Variants in SLCO5A1 observed in about 807,000 individuals in gnomAD.
The protein encoded by SLCO5A1 is organic anion transporter polypeptide-related protein 4.
In SLCO5A1, 39 loss-of-function variants were observed where a neutral mutation model predicts 65.1. The observed-to-expected ratio is 0.60, with a 90% CI of 0.46 to 0.78. The LOEUF is 0.78. SLCO5A1 is among the 30% of genes least tolerant of loss of function. The probability of loss-of-function intolerance (pLI) is 0.00; values close to 1 mark genes in which losing one functional copy is unlikely to be tolerated. For missense variants in SLCO5A1, 1,029 were observed against 1,069.4 expected (o/e 0.96, Z 0.53); for synonymous variants, 438 against 415.7 (o/e 1.05, Z -0.65).
At chr8:69,678,764 A>G (rs1813646214) in intron 8 of SLCO5A1, among the ~76,000 whole-genome samples, 1 of 151,704 alleles carries the variant, frequency 6.6e-6, no homozygotes, top group Non-Finnish European at 1.5e-5. Flanking sequence ...AAAAATCCAA[A>G]CAAGATATGG....
intron 2 of SLCO5A1, among the ~76,000 whole-genome samples, chr8:69,791,867 A>G (rs916434862): frequency 6.6e-5 from 10 of 152,232 alleles, no homozygotes; most frequent in Non-Finnish European, 7.3e-5. Flanking sequence ...TATTGATCTA[A>G]CCATTAAAAG....
At chr8:69,691,475 T>C (rs1458753136) in intron 6 of SLCO5A1, among the ~76,000 whole-genome samples, 1 of 152,198 alleles carries the variant, frequency 6.6e-6, no homozygotes, top group African/African-American at 2.4e-5. Flanking sequence ...TAAAACTATA[T>C]GGCTCCTGAT....
chr8:69,817,965 C>T (rs558400361), intron 2 of SLCO5A1, among the ~76,000 whole-genome samples: 40 of 152,240 alleles, frequency 2.6e-4, no homozygotes, highest in Non-Finnish European at 3.8e-4. Flanking sequence ...GACTCACCTC[C>T]GATATCAAGA....
chr8:69,778,496 T>C (rs186471199), intron 2 of SLCO5A1, among the ~76,000 whole-genome samples: 12 of 152,180 alleles, frequency 7.9e-5, no homozygotes, highest in Non-Finnish European at 1.6e-4. Context: ...AGGAAATGCA[T>C]CCATGTGTTA....
intron 5 of SLCO5A1, among the ~76,000 whole-genome samples, chr8:69,716,632 A>C (rs1050358555): frequency 6.6e-6 from 1 of 152,150 alleles, no homozygotes; most frequent in Admixed American, 6.5e-5. Context: ...TTTTGGAGAA[A>C]TGTCTACTTA....
At chr8:69,726,956 A>G (rs553352856) in intron 5 of SLCO5A1, among the ~76,000 whole-genome samples, 68 of 152,288 alleles carry the variant, frequency 4.5e-4, no homozygotes, top group African/African-American at 1.6e-3. Context: ...TTACTAATAA[A>G]TGTGCAATAC....
At chr8:69,801,947 T>C (rs1195413121) in intron 2 of SLCO5A1, among the ~76,000 whole-genome samples, 1 of 152,230 alleles carries the variant, frequency 6.6e-6, no homozygotes, top group South Asian at 2.1e-4. Context: ...CCACCTCATG[T>C]CGCCTCAAGC....
At chr8:69,826,713 T>C (rs974886929) in intron 2 of SLCO5A1, among the ~76,000 whole-genome samples, 37 of 152,274 alleles carry the variant, frequency 2.4e-4, no homozygotes, top group Admixed American at 2.4e-3. Flanking sequence ...TGTAAACTAG[T>C]TCAACCATTG....
intron 6 of SLCO5A1, among the ~76,000 whole-genome samples, chr8:69,704,477 G>A (rs545168965): frequency 3.3e-5 from 5 of 152,170 alleles, no homozygotes; most frequent in Non-Finnish European, 7.3e-5. Context: ...GCTCAGCAAA[G>A]CATGTATGAA....
At chr8:69,724,404 CAT>C (rs1440957166) in intron 5 of SLCO5A1, among the ~76,000 whole-genome samples, 1 of 152,090 alleles carries the variant, frequency 6.6e-6, no homozygotes, top group African/African-American at 2.4e-5. Context: ...AAAAATCAAA[CAT>C]AAATTATATT....
intron 2 of SLCO5A1, among the ~76,000 whole-genome samples, chr8:69,775,016 C>T (rs115689524): frequency 6.6e-6 from 1 of 152,102 alleles, no homozygotes; most frequent in Non-Finnish European, 1.5e-5. Context: ...TTTTGTGCAG[C>T]AATTTTTTTT....
At chr8:69,677,872 C>T (rs73686119) in intron 8 of SLCO5A1, among the ~76,000 whole-genome samples, 3,592 of 152,236 alleles carry the variant, frequency 0.024, 138 homozygotes, top group African/African-American at 0.082. Context: ...TAAGAACTGA[C>T]TCCCTTTCTT....
At chr8:69,711,953 A>C (rs972639775) in intron 5 of SLCO5A1, among the ~76,000 whole-genome samples, 8 of 152,216 alleles carry the variant, frequency 5.3e-5, no homozygotes, top group African/African-American at 1.2e-4. Flanking sequence ...AATTAGGCAA[A>C]TTCCTATATG....
At chr8:69,679,254 G>A (rs954641900) in intron 8 of SLCO5A1, 124 bp downstream of exon 8, 235 of 1,300,172 alleles carry the variant, frequency 1.8e-4, no homozygotes, top group Non-Finnish European at 7.9e-5. Context: ...ATATCTGAGC[G>A]CCCTCCTGCA....
intron 2 of SLCO5A1, among the ~76,000 whole-genome samples, chr8:69,813,607 T>C (rs1054670808): frequency 6.6e-6 from 1 of 152,200 alleles, no homozygotes; most frequent in Admixed American, 6.5e-5. Context: ...CAGGGACAGC[T>C]GTCCTACGAC....
At chr8:69,716,616 C>T (rs1815552452) in intron 5 of SLCO5A1, among the ~76,000 whole-genome samples, 1 of 152,146 alleles carries the variant, frequency 6.6e-6, no homozygotes, top group Non-Finnish European at 1.5e-5. Flanking sequence ...GACATTGGTA[C>T]ATCTTTTTTG....
chr8:69,756,014 AT>A (rs1817527613), intron 3 of SLCO5A1, among the ~76,000 whole-genome samples: 1 of 151,906 alleles, frequency 6.6e-6, no homozygotes, highest in South Asian at 2.1e-4. Context: ...AGACAATAGC[AT>A]GTTATGTGGA....
intron 2 of SLCO5A1, among the ~76,000 whole-genome samples, chr8:69,792,918 G>GT (rs545046635): frequency 6.6e-6 from 1 of 151,818 alleles, no homozygotes; most frequent in Non-Finnish European, 1.5e-5. Flanking sequence ...CTGTTTTGGG[G>GT]TTTTTTTAAG....
In SLCO5A1 at chr8:69,797,850, T is replaced by C. The variant is rs367983676; in HGVS notation, c.907+33917A>G. On this transcript the variant is annotated intron_variant, in intron 2 of 9. Transcript: ENST00000260126. ...ATTTTGCCCCGGTCCTGTGGTCCTG[T>C]GATCTCGCCCTGCCTCCATTTGCCT... is the stretch of plus-strand genomic sequence containing the variant. Among the ~76,000 whole-genome samples the C allele has an allele frequency of 1.9e-3, 294 of 152,350 alleles. 1 individual carries two copies. Among genetic ancestry groups the C allele is most frequent in the African/African-American group, 6.7e-3 (277 of 41,582 alleles).
Sources: allele counts gnomAD v4.1 joint callset (sites outside exome capture counted in the v4.1 genomes callset), GRCh38; gene constraint gnomAD v4.1.1; transcripts MANE v1.5; gene names NCBI Gene and HGNC (gene_info 2026-07-23, HGNC 2026-07-21).